TLL1: variants seen among roughly 807,000 people sequenced by gnomAD.
TLL1 encodes the protein tolloid like 1, also known as tolloid-like protein 1.
TLL1 carries 49 observed loss-of-function variants against 128.2 expected under a neutral mutation model. The observed-to-expected ratio is 0.38, with a 90% CI of 0.30 to 0.48. The LOEUF (loss-of-function observed/expected upper bound fraction) is 0.48, where lower values mean the gene tolerates loss of function less well. TLL1 is among the 20% of genes least tolerant of loss of function. The pLI is 0.96. For synonymous variants in TLL1, 454 were observed against 418.8 expected (o/e 1.08, Z -1.03); for missense variants, 1,123 against 1,242.0 (o/e 0.90, Z 1.44).
chr4:165,921,073 C>A (rs546670952), intron 1 of TLL1, among the ~76,000 whole-genome samples: 10 of 152,204 alleles, frequency 6.6e-5, no homozygotes, highest in African/African-American at 2.4e-4. Flanking sequence ...GTTCAGACAC[C>A]CCTTTTTACT....
chr4:166,005,586 T>G (rs1291646821), intron 6 of TLL1, among the ~76,000 whole-genome samples: 1 of 151,906 alleles, frequency 6.6e-6, no homozygotes, highest in Non-Finnish European at 1.5e-5. Context: ...TATTCTCCTC[T>G]ATATAGAAGA....
chr4:166,033,533 G>C (rs529235809), intron 9 of TLL1, among the ~76,000 whole-genome samples: 1 of 152,090 alleles, frequency 6.6e-6, no homozygotes, highest in African/African-American at 2.4e-5. Flanking sequence ...TTGGGCAAGA[G>C]AAAAATATTG....
intron 1 of TLL1, among the ~76,000 whole-genome samples, chr4:165,890,453 GT>G (rs1305259813): frequency 6.6e-6 from 1 of 152,204 alleles, no homozygotes; most frequent in Non-Finnish European, 1.5e-5. Context: ...AAGCAAGTTA[GT>G]TACTTCCTAA....
At chr4:165,935,584 CA>C (rs1278304273) in intron 1 of TLL1, among the ~76,000 whole-genome samples, 1 of 152,196 alleles carries the variant, frequency 6.6e-6, no homozygotes, top group Admixed American at 6.5e-5. Flanking sequence ...CCACTGGCTG[CA>C]AAAGCTATCC....
intron 6 of TLL1, among the ~76,000 whole-genome samples, chr4:166,004,769 G>A (rs1737334650): frequency 6.6e-6 from 1 of 152,040 alleles, no homozygotes; most frequent in East Asian, 1.9e-4. Flanking sequence ...GAGATTAGTT[G>A]GTATCTTATC....
At chr4:166,007,415 G>T (rs1233212512) in intron 6 of TLL1, among the ~76,000 whole-genome samples, 1 of 151,652 alleles carries the variant, frequency 6.6e-6, no homozygotes, top group Non-Finnish European at 1.5e-5. Flanking sequence ...TAGAGAATTT[G>T]CTGTTACTGT....
intron 1 of TLL1, among the ~76,000 whole-genome samples, chr4:165,892,637 C>T (rs1322172033): frequency 1.3e-5 from 2 of 152,134 alleles, no homozygotes; most frequent in Non-Finnish European, 2.9e-5. Context: ...ATTCATTAAT[C>T]TGAAAATCAG....
At chr4:165,926,256 A>G (rs1041183769) in intron 1 of TLL1, among the ~76,000 whole-genome samples, 4 of 152,288 alleles carry the variant, frequency 2.6e-5, no homozygotes, top group African/African-American at 4.8e-5. Context: ...CTGTCCATCT[A>G]TCTATTTTTT....
Position 166,101,045 on chromosome 4 carries a change from C to G in TLL1, c.*169C>G, listed in dbSNP as rs988770642. On this transcript the variant is annotated 3_prime_UTR_variant, in exon 21 of 21. Coordinates refer to ENST00000061240, the MANE Select transcript of TLL1 (RefSeq NM_012464.5). ...TAAAAGAGAAGTTTCCAGCAAAACCCTCATCAGCATTACAAGGATATTTGA... is the reference window on the plus strand; with the variant it reads ...TAAAAGAGAAGTTTCCAGCAAAACCGTCATCAGCATTACAAGGATATTTGA... The G allele has an allele frequency of 1.5e-5, 12 of 784,656 alleles. No homozygotes were observed. The African/African-American group carries it at 1.6e-4, about 10-fold the overall frequency. 48.6% of individuals were successfully genotyped at this position (784,656 alleles called of 1,614,324 possible).
intron 1 of TLL1, among the ~76,000 whole-genome samples, chr4:165,965,939 G>A (rs1427095394): frequency 6.6e-6 from 1 of 152,134 alleles, no homozygotes; most frequent in African/African-American, 2.4e-5. Context: ...CCAGCACTTT[G>A]GGAGGCTGAG....
At position 166,055,195 on chromosome 4, in the gene TLL1, C is replaced by T. The variant is rs773392237; in HGVS notation, c.1644C>T (p.Thr548=). 1.2e-6 allele frequency: 2 copies of T among 1,613,680 alleles called. No homozygotes were observed. Among genetic ancestry groups the T allele is most frequent in the East Asian group, 2.2e-5 (1 of 44,798 alleles). The part of the protein sequence containing the change: ...GYDKPEDIRS[T]SNTLWMKFVS... ...ACAAACCTGAAGACATAAGATCTAC[C>T]TCCAATACTTTGTGGATGAAGTTTG... Residue 548 remains threonine, a synonymous_variant, in exon 13 of 21, where the codon ACC becomes ACT. Coordinates refer to ENST00000061240, the MANE Select transcript of TLL1 (RefSeq NM_012464.5).
At chr4:166,010,052 A>G (rs1343667180) in intron 7 of TLL1, among the ~76,000 whole-genome samples, 2 of 151,436 alleles carry the variant, frequency 1.3e-5, no homozygotes, top group South Asian at 2.1e-4. Context: ...TTGATATTGT[A>G]TATAACTGGA....
At chr4:166,070,710 G>C (rs1740776645) in intron 16 of TLL1, among the ~76,000 whole-genome samples, 1 of 151,844 alleles carries the variant, frequency 6.6e-6, no homozygotes, top group African/African-American at 2.4e-5. Flanking sequence ...AATCTGTCTA[G>C]CTCTAAATTC....
intron 8 of TLL1, among the ~76,000 whole-genome samples, chr4:166,021,250 T>C (rs1034767605): frequency 6.6e-6 from 1 of 152,058 alleles, no homozygotes; most frequent in African/African-American, 2.4e-5. Flanking sequence ...TAGCTATTTC[T>C]TTTAATTTAT....
intron 8 of TLL1, among the ~76,000 whole-genome samples, chr4:166,018,722 A>T (rs540856569): frequency 6.6e-6 from 1 of 152,106 alleles, no homozygotes; most frequent in African/African-American, 2.4e-5. Context: ...ATTGCTAAAC[A>T]TCAGAGAAAT....
chr4:165,893,198 C>A (rs1428843001), intron 1 of TLL1, among the ~76,000 whole-genome samples: 1 of 152,166 alleles, frequency 6.6e-6, no homozygotes, highest in East Asian at 1.9e-4. Flanking sequence ...CAAATCCAAG[C>A]AATGTGAACT....
chr4:165,943,356 T>G (rs1734105867), intron 1 of TLL1, among the ~76,000 whole-genome samples: 1 of 152,082 alleles, frequency 6.6e-6, no homozygotes, highest in Admixed American at 6.6e-5. Context: ...TTAATTTTAT[T>G]TATGCTCTTA....
intron 1 of TLL1, among the ~76,000 whole-genome samples, chr4:165,935,782 ATC>A (rs1164125651): frequency 6.6e-6 from 1 of 152,172 alleles, no homozygotes; most frequent in Non-Finnish European, 1.5e-5. Flanking sequence ...TTCTTCTTCA[ATC>A]TCTTTCTTTT....
intron 1 of TLL1, among the ~76,000 whole-genome samples, chr4:165,967,267 A>T (rs1735432153): frequency 6.6e-6 from 1 of 152,178 alleles, no homozygotes; most frequent in Non-Finnish European, 1.5e-5. Flanking sequence ...TTGTTCAAAC[A>T]CACATGCTCT....
Sources: gnomAD v4.1 joint callset for allele counts (sites outside exome capture counted in the v4.1 genomes callset) on GRCh38, gnomAD v4.1.1 for gene constraint, MANE v1.5 for transcripts, NCBI Gene and HGNC (gene_info 2026-07-23, HGNC 2026-07-21) for gene names.